SPMIP7: variants seen among roughly 807,000 people sequenced by gnomAD.
SPMIP7 encodes protein SPMIP7.
At chr7:50,117,503 T>G in the SPMIP7 span, 1 of 241,418 alleles carries the variant, frequency 4.1e-6, no homozygotes, top group Non-Finnish European at 8.5e-6. Context: ...TCTTCTCTTG[T>G]CTCCTAATTT....
At chr7:50,159,195 C>G in the SPMIP7 span, 1 of 1,547,184 alleles carries the variant, frequency 6.5e-7, no homozygotes, top group South Asian at 1.2e-5. Context: ...GCGGGCTGTC[C>G]AGGCCTCCGC....
chr7:50,150,683 T>C, the SPMIP7 span, among the ~76,000 whole-genome samples: 29 of 152,216 alleles, frequency 1.9e-4, no homozygotes, highest in Non-Finnish European at 4.0e-4. Flanking sequence ...GGCAAGAATA[T>C]TCATTATTCT....
chr7:50,126,763 AAG>A, the SPMIP7 span, among the ~76,000 whole-genome samples: 9 of 152,230 alleles, frequency 5.9e-5, no homozygotes, highest in East Asian at 1.9e-4. Flanking sequence ...AATGGAGTAA[AAG>A]AGAAAATTAA....
chr7:50,119,733 C>T, the SPMIP7 span, among the ~76,000 whole-genome samples: 1 of 152,156 alleles, frequency 6.6e-6, no homozygotes, highest in Admixed American at 6.5e-5. Flanking sequence ...TATAAAAAAC[C>T]TATCAAAGTG....
At chr7:50,121,558 C>T in the SPMIP7 span, among the ~76,000 whole-genome samples, 1 of 152,194 alleles carries the variant, frequency 6.6e-6, no homozygotes, top group Non-Finnish European at 1.5e-5. Context: ...TGTAGTGGAA[C>T]TCTCTGAACT....
chr7:50,101,546 CG>C, the SPMIP7 span, among the ~76,000 whole-genome samples: 33 of 152,188 alleles, frequency 2.2e-4, no homozygotes, highest in African/African-American at 4.8e-5. Flanking sequence ...GATACTGAAA[CG>C]GAGTGGAGGA....
the SPMIP7 span, chr7:50,136,174 TA>T: frequency 1.9e-6 from 3 of 1,539,520 alleles, no homozygotes; most frequent in Non-Finnish European, 2.6e-6. Flanking sequence ...TTGTAAGTTT[TA>T]TCTCCTAAAG....
the SPMIP7 span, among the ~76,000 whole-genome samples, chr7:50,102,517 A>T: frequency 5.3e-5 from 8 of 152,096 alleles, no homozygotes; most frequent in Non-Finnish European, 8.8e-5. Flanking sequence ...TACTCATATG[A>T]TCACCTCAAG....
the SPMIP7 span, chr7:50,129,643 A>C: frequency 9.7e-7 from 1 of 1,035,954 alleles, no homozygotes; most frequent in African/African-American, 1.6e-5. Flanking sequence ...CCAAAAGAAA[A>C]CATGATGACT....
the SPMIP7 span, among the ~76,000 whole-genome samples, chr7:50,119,336 C>T: frequency 6.6e-6 from 1 of 152,334 alleles, no homozygotes; most frequent in African/African-American, 2.4e-5. Flanking sequence ...TAGACATTAA[C>T]AGCTATCCTA....
chr7:50,136,200 T>G, the SPMIP7 span: 1 of 1,414,664 alleles, frequency 7.1e-7, no homozygotes, highest in African/African-American at 1.4e-5. Context: ...CACACTAGGT[T>G]TCTCACTATC....
chr7:50,150,189 A>T, the SPMIP7 span, among the ~76,000 whole-genome samples: 1 of 152,172 alleles, frequency 6.6e-6, no homozygotes, highest in Non-Finnish European at 1.5e-5. Flanking sequence ...CATGGATATA[A>T]CCAAGGCAGC....
the SPMIP7 span, among the ~76,000 whole-genome samples, chr7:50,146,070 CA>C: frequency 6.6e-6 from 1 of 152,240 alleles, no homozygotes; most frequent in East Asian, 1.9e-4. Context: ...TGCAGCTTAA[CA>C]AAATTTTACC....
chr7:50,123,688 C>G, the SPMIP7 span, among the ~76,000 whole-genome samples: 6 of 151,752 alleles, frequency 4.0e-5, no homozygotes, highest in Non-Finnish European at 7.4e-5. Context: ...ATTGTTTCTT[C>G]TAGAGGAGTC....
the SPMIP7 span, among the ~76,000 whole-genome samples, chr7:50,152,458 T>C: frequency 6.6e-6 from 1 of 152,156 alleles, no homozygotes; most frequent in Non-Finnish European, 1.5e-5. Flanking sequence ...TAACTCAAAT[T>C]TGAAAGCACC....
the SPMIP7 span, among the ~76,000 whole-genome samples, chr7:50,129,442 C>T: frequency 6.6e-6 from 1 of 151,954 alleles, no homozygotes; most frequent in Non-Finnish European, 1.5e-5. Flanking sequence ...TAAGTATTTG[C>T]TGATGTTTCC....
At chr7:50,152,968 T>C in the SPMIP7 span, among the ~76,000 whole-genome samples, 1 of 152,142 alleles carries the variant, frequency 6.6e-6, no homozygotes, top group Non-Finnish European at 1.5e-5. Context: ...ATTACAGGCA[T>C]GAGCCACCGT....
At chr7:50,132,632 T>A in the SPMIP7 span, among the ~76,000 whole-genome samples, 1 of 152,118 alleles carries the variant, frequency 6.6e-6, no homozygotes, top group Admixed American at 6.6e-5. Context: ...ATTAATTTCT[T>A]ACATACAATA....
the SPMIP7 span, among the ~76,000 whole-genome samples, chr7:50,148,403 C>G: frequency 1.3e-5 from 2 of 152,216 alleles, no homozygotes; most frequent in African/African-American, 2.4e-5. Flanking sequence ...TTTTATCAAG[C>G]CTTTCATGTG....
Sources: gnomAD v4.1 joint callset for allele counts (sites outside exome capture counted in the v4.1 genomes callset) on GRCh38, gnomAD v4.1.1 for gene constraint, MANE v1.5 for transcripts, NCBI Gene and HGNC (gene_info 2026-07-23, HGNC 2026-07-21) for gene names.